The following CRACR2A variants were observed in gnomAD, a reference collection of about 807,000 sequenced individuals.
The protein encoded by CRACR2A is EF-hand calcium-binding domain-containing protein 4B.
In CRACR2A, 79 loss-of-function variants were observed where a neutral mutation model predicts 90.5. The observed-to-expected ratio is 0.87, with a 90% confidence interval of 0.73 to 1.05. The LOEUF (loss-of-function observed/expected upper bound fraction) is 1.05, where lower values mean the gene tolerates loss of function less well. CRACR2A is among the 50% of genes least tolerant of loss of function. CRACR2A has a pLI of 0.00. For missense variants in CRACR2A, 823 were observed against 897.2 expected (o/e 0.92, Z 1.06); for synonymous variants, 338 against 356.7 (o/e 0.95, Z 0.59).
At chr12:3,672,743 T>G (rs1945269401) in intron 7 of CRACR2A, 2 of 985,468 alleles carry the variant, frequency 2.0e-6, no homozygotes, top group African/African-American at 3.5e-5. Context: ...CTGTTCTGAC[T>G]CTGGTTCAGT....
At chr12:3,704,828 C>A (rs979874005) in intron 3 of CRACR2A, among the ~76,000 whole-genome samples, 1 of 152,194 alleles carries the variant, frequency 6.6e-6, no homozygotes, top group Admixed American at 6.5e-5. Context: ...GCAGGCAGAG[C>A]CCCTTGTGAA....
chr12:3,632,426 T>C (rs200807030), intron 15 of CRACR2A, among the ~76,000 whole-genome samples: 4 of 152,198 alleles, frequency 2.6e-5, no homozygotes, highest in South Asian at 2.1e-4. Flanking sequence ...CCACATCCTC[T>C]TGAGGTCACA....
intron 17 of CRACR2A, among the ~76,000 whole-genome samples, chr12:3,622,760 A>G (rs1944172591): frequency 6.6e-6 from 1 of 151,694 alleles, no homozygotes; most frequent in African/African-American, 2.4e-5. Context: ...TAAAGCATGC[A>G]GTTATGCTAA....
chr12:3,713,159 G>T (rs2137776196), intron 3 of CRACR2A, 78 bp downstream of exon 3: 2 of 640,166 alleles, frequency 3.1e-6, no homozygotes, highest in Non-Finnish European at 3.9e-6. Flanking sequence ...TGCTAACAAG[G>T]CAGGGCCTGA....
chr12:3,687,471 A>G (rs1945580345), intron 4 of CRACR2A, among the ~76,000 whole-genome samples: 1 of 152,160 alleles, frequency 6.6e-6, no homozygotes, highest in Admixed American at 6.5e-5. Flanking sequence ...TTCCTGAATT[A>G]GTTTGCTATG....
intron 1 of CRACR2A, among the ~76,000 whole-genome samples, chr12:3,734,807 C>A (rs892180073): frequency 6.6e-6 from 1 of 152,040 alleles, no homozygotes; most frequent in Non-Finnish European, 1.5e-5. Flanking sequence ...TATGAGGAAT[C>A]CAAAACAATT....
intron 2 of CRACR2A, chr12:3,729,722 T>A (rs1946330145): frequency 6.6e-6 from 1 of 151,926 alleles, no homozygotes; most frequent in African/African-American, 2.4e-5. Flanking sequence ...CAAAAAGACT[T>A]TGGGAGCAGC....
At position 3,711,055 on chromosome 12, in the gene CRACR2A, C is replaced by T. The variant is rs942871591; in HGVS notation, c.-37+2182G>A. Among the ~76,000 whole-genome samples the T allele has an allele frequency of 5.3e-5, 8 of 152,300 alleles. No homozygotes were observed. The South Asian group carries it at 6.2e-4, about 12-fold the overall frequency. On this transcript the variant is annotated intron_variant, in intron 3 of 19. Coordinates refer to ENST00000440314, the MANE Select transcript of CRACR2A (RefSeq NM_001144958.2). This position sits in a 1 kb window ranked among gnomAD's most constrained non-coding sequence, Gnocchi z 4.3. Reference sequence around the variant, plus strand: ...TCCAACAGCCTCAAAAGTCTCAACTCGTTCTAGCATAAACTCAAAGGCAGA... The same window carrying T: ...TCCAACAGCCTCAAAAGTCTCAACTTGTTCTAGCATAAACTCAAAGGCAGA...
chr12:3,706,669 C>T (rs1010090693), intron 3 of CRACR2A, among the ~76,000 whole-genome samples: 12 of 152,208 alleles, frequency 7.9e-5, no homozygotes, highest in African/African-American at 2.9e-4. Context: ...GGCATGATCT[C>T]AGCTCACGGC....
chr12:3,619,605 C>T (rs1476619840), intron 17 of CRACR2A, among the ~76,000 whole-genome samples: 1 of 152,168 alleles, frequency 6.6e-6, no homozygotes, highest in Non-Finnish European at 1.5e-5. Flanking sequence ...TCTCCTAGTC[C>T]CTGTGTGTGC....
intron 3 of CRACR2A, among the ~76,000 whole-genome samples, chr12:3,704,855 C>T (rs1358893851): frequency 1.3e-5 from 2 of 152,228 alleles, no homozygotes; most frequent in South Asian, 2.1e-4. Flanking sequence ...TGATCTAACA[C>T]GACTTCAGCC....
rs201641139 is a variant in CRACR2A, at chr12:3,659,637, T to C, written c.689A>G (p.Asp230Gly). The C allele has an allele frequency of 1.2e-6, 2 of 1,614,134 alleles. No individual in the cohort carries two copies. The highest frequency in any genetic ancestry group is 1.7e-5 in the Admixed American group (1 of 60,026). ...CALKRKIAAY[D>G]EEIQHLYEEM... Reference sequence around the variant, plus strand: ...CTCATAGAGATGCTGGATTTCTTCATCATAAGCAGCAATTTTCCTACAGAG... The same window carrying C: ...CTCATAGAGATGCTGGATTTCTTCACCATAAGCAGCAATTTTCCTACAGAG... The change falls in exon 8 of 20, where the codon GAT becomes GGT. Residue 230 changes from aspartate (D) to glycine (G), a missense_variant. Asp to Gly is a moderately conservative substitution (Grantham distance 94). Coordinates refer to ENST00000440314, the MANE Select transcript of CRACR2A (RefSeq NM_001144958.2).
chr12:3,641,461 T>A (rs1294595223), intron 13 of CRACR2A, among the ~76,000 whole-genome samples: 1 of 152,248 alleles, frequency 6.6e-6, no homozygotes, highest in Non-Finnish European at 1.5e-5. Flanking sequence ...TCTCCTCTGC[T>A]GCTCTGCAGT....
At chr12:3,660,290 A>ATG (rs1352259260) in intron 7 of CRACR2A, among the ~76,000 whole-genome samples, 4 of 152,150 alleles carry the variant, frequency 2.6e-5, no homozygotes, top group Admixed American at 2.0e-4. Context: ...AAAAGCGACA[A>ATG]TGTCTAGTGC....
chr12:3,691,057 A>C (rs1356726822), intron 4 of CRACR2A, among the ~76,000 whole-genome samples: 1 of 152,126 alleles, frequency 6.6e-6, no homozygotes, highest in East Asian at 1.9e-4. Context: ...TGCAAGTGAG[A>C]TGGGTCTCTT....
intron 1 of CRACR2A, among the ~76,000 whole-genome samples, chr12:3,751,592 C>G (rs1946704422): frequency 6.6e-6 from 1 of 152,232 alleles, no homozygotes; most frequent in Admixed American, 6.5e-5. Context: ...GTACAACCCA[C>G]CTTCACGGCT....
chr12:3,645,415 G>A (rs960210789), intron 11 of CRACR2A, among the ~76,000 whole-genome samples: 3 of 152,328 alleles, frequency 2.0e-5, no homozygotes, highest in Middle Eastern at 3.4e-3. Context: ...GAGAAAAAGT[G>A]GATGGTGGTC....
chr12:3,742,421 C>G (rs943336427), intron 1 of CRACR2A, among the ~76,000 whole-genome samples: 11 of 152,308 alleles, frequency 7.2e-5, no homozygotes, highest in East Asian at 1.9e-4. Context: ...TGTGGTGATT[C>G]TAGAGACCTT....
chr12:3,641,754 C>T lies in CRACR2A; in HGVS notation c.1249G>A (p.Asp417Asn). The change falls in exon 13 of 20, where the codon GAC becomes AAC. Residue 417 changes from aspartate to asparagine, a missense_variant. Physicochemically the swap from Asp to Asn is conservative, Grantham distance 23. Coordinates refer to ENST00000440314, the MANE Select transcript of CRACR2A (RefSeq NM_001144958.2). ...RSGSVIGKYV[D>N]SRGILRSQSE... ...TACCTCCTAAGAATCCCTCTGCTGT[C>T]CACATATTTGCCTATCACAGAGCCA... 6.4e-7 allele frequency: 1 copy of T among 1,551,702 alleles called. No homozygotes were observed. Among genetic ancestry groups the T allele is most frequent in the East Asian group, 2.4e-5 (1 of 40,924 alleles).
Sources: allele counts gnomAD v4.1 joint callset (sites outside exome capture counted in the v4.1 genomes callset), GRCh38; gene constraint gnomAD v4.1.1; non-coding constraint Gnocchi (gnomAD v3.1); transcripts MANE v1.5; gene names NCBI Gene and HGNC (gene_info 2026-07-23, HGNC 2026-07-21).